Variants in CCDC192 observed in about 807,000 individuals in gnomAD.
The protein encoded by CCDC192 is coiled-coil domain containing 192.
intron 6 of CCDC192, among the ~76,000 whole-genome samples, chr5:127,920,278 GA>G (rs952522246): frequency 4.0e-5 from 6 of 151,608 alleles, no homozygotes; most frequent in African/African-American, 1.2e-4. Flanking sequence ...TAGATAAATA[GA>G]AAAAAATTAT....
intron 3 of CCDC192, among the ~76,000 whole-genome samples, chr5:127,766,590 A>G (rs142921296): frequency 7.9e-6 from 1 of 125,862 alleles, no homozygotes; most frequent in African/African-American, 3.0e-5. Flanking sequence ...TTATCTGTGT[A>G]TGTACTCACG....
At chr5:127,920,942 C>A in intron 6 of CCDC192, among the ~76,000 whole-genome samples, 1 of 151,718 alleles carries the variant, frequency 6.6e-6, no homozygotes, top group East Asian at 2.0e-4. Context: ...CACCTGTAGT[C>A]CCAGCTACCT....
At chr5:127,840,596 A>T (rs1027025779) in intron 5 of CCDC192, among the ~76,000 whole-genome samples, 2 of 140,942 alleles carry the variant, frequency 1.4e-5, no homozygotes, top group Non-Finnish European at 3.2e-5. Flanking sequence ...AAATTATTTT[A>T]TTAAATTATT....
chr5:127,753,957 A>C (rs1250804759), intron 2 of CCDC192, among the ~76,000 whole-genome samples: 1 of 152,230 alleles, frequency 6.6e-6, no homozygotes, highest in Non-Finnish European at 1.5e-5. Flanking sequence ...TTTTCATCCT[A>C]ACCTTTTGGA....
At chr5:127,767,610 C>T (rs1195833122) in intron 3 of CCDC192, among the ~76,000 whole-genome samples, 1 of 152,002 alleles carries the variant, frequency 6.6e-6, no homozygotes, top group Non-Finnish European at 1.5e-5. Context: ...CTCATCTTTC[C>T]CATGTCTTTT....
At chr5:127,914,097 CAG>C (rs1228410890) in intron 6 of CCDC192, among the ~76,000 whole-genome samples, 4 of 151,970 alleles carry the variant, frequency 2.6e-5, no homozygotes, top group African/African-American at 9.7e-5. Flanking sequence ...GAAATTATAG[CAG>C]AGAGAATGAG....
intron 4 of CCDC192, among the ~76,000 whole-genome samples, chr5:127,797,731 G>GTA (rs146458343): frequency 0.011 from 221 of 20,874 alleles, 1 homozygote; most frequent in Non-Finnish European, 0.013. Flanking sequence ...TCATGTGAAG[G>GTA]TATATATATA....
At chr5:127,793,288 T>G (rs1201200537) in intron 3 of CCDC192, among the ~76,000 whole-genome samples, 1 of 152,086 alleles carries the variant, frequency 6.6e-6, no homozygotes, top group Non-Finnish European at 1.5e-5. Flanking sequence ...TATATCTGAG[T>G]CAAAGAGATA....
intron 3 of CCDC192, among the ~76,000 whole-genome samples, chr5:127,783,327 T>C (rs1399301017): frequency 6.6e-6 from 1 of 152,188 alleles, no homozygotes; most frequent in African/African-American, 2.4e-5. Context: ...GTCACTATTG[T>C]TGTTCACTTT....
intron 5 of CCDC192, among the ~76,000 whole-genome samples, chr5:127,803,923 C>T (rs1025704725): frequency 1.3e-5 from 2 of 152,134 alleles, no homozygotes; most frequent in Admixed American, 6.5e-5. Flanking sequence ...TCAAATGAAT[C>T]GTACAGCATG....
chr5:127,901,620 G>A (rs1303768832), intron 6 of CCDC192, among the ~76,000 whole-genome samples: 1 of 152,134 alleles, frequency 6.6e-6, no homozygotes, highest in Non-Finnish European at 1.5e-5. Flanking sequence ...ACTCGCTTCA[G>A]GGAAAGCCTA....
At chr5:127,810,128 C>T (rs1305370445) in intron 5 of CCDC192, among the ~76,000 whole-genome samples, 2 of 152,160 alleles carry the variant, frequency 1.3e-5, no homozygotes, top group African/African-American at 4.8e-5. Flanking sequence ...TTAGATAATG[C>T]TAGCTTTTGT....
Position 127,815,427 on chromosome 5 carries a change from G to C in CCDC192, c.411+17265G>C, listed in dbSNP as rs1053127386. On this transcript the variant is annotated intron_variant, in intron 5 of 6. Coordinates refer to ENST00000514853, the MANE Select transcript of CCDC192 (RefSeq NM_001317938.2). ...GCTGGGTCTGTCCATTGGCACATTT[G>C]GGGATGATAGGGGGTGGGGAAAATC... Among the ~76,000 whole-genome samples, 3 of 152,066 alleles carry C rather than the reference G, an allele frequency of 2.0e-5. No homozygotes were observed. The East Asian group carries it at 5.8e-4, about 29-fold the overall frequency.
intron 5 of CCDC192, among the ~76,000 whole-genome samples, chr5:127,862,558 A>T (rs999028452): frequency 6.6e-6 from 1 of 152,264 alleles, no homozygotes; most frequent in Non-Finnish European, 1.5e-5. Flanking sequence ...ACTGAGTAGG[A>T]TTAGAGAGAA....
chr5:127,844,005 A>G (rs1352738328), intron 5 of CCDC192, among the ~76,000 whole-genome samples: 2 of 152,222 alleles, frequency 1.3e-5, no homozygotes, highest in African/African-American at 4.8e-5. Context: ...TGGACCAGCT[A>G]TTTTTATAGA....
intron 5 of CCDC192, among the ~76,000 whole-genome samples, chr5:127,805,577 T>C (rs1326848287): frequency 6.6e-6 from 1 of 152,242 alleles, no homozygotes; most frequent in Non-Finnish European, 1.5e-5. Flanking sequence ...GAGTTCTACC[T>C]GTGCCAATGA....
chr5:127,791,644 G>A (rs551829897), intron 3 of CCDC192, among the ~76,000 whole-genome samples: 81 of 152,262 alleles, frequency 5.3e-4, no homozygotes, highest in Non-Finnish European at 8.7e-4. Flanking sequence ...TACATGATAA[G>A]GAATATAGTC....
chr5:127,891,496 G>C (rs749948425), intron 6 of CCDC192, among the ~76,000 whole-genome samples: 1 of 138,806 alleles, frequency 7.2e-6, no homozygotes, highest in African/African-American at 2.8e-5. Context: ...GTGGAAGAAG[G>C]GTCCCTCCTC....
intron 5 of CCDC192, among the ~76,000 whole-genome samples, chr5:127,830,776 A>C (rs553035312): frequency 6.6e-6 from 1 of 152,096 alleles, no homozygotes; most frequent in South Asian, 2.1e-4. Flanking sequence ...AAAAAAAAAA[A>C]CAGGAAAGTT....
Sources: allele counts gnomAD v4.1 joint callset (sites outside exome capture counted in the v4.1 genomes callset), GRCh38; gene constraint gnomAD v4.1.1; transcripts MANE v1.5; gene names NCBI Gene and HGNC (gene_info 2026-07-23, HGNC 2026-07-21).